Variants in CEP70 observed in about 807,000 individuals in gnomAD.
The protein encoded by CEP70 is centrosomal protein of 70 kDa.
Under a neutral mutation model 90.9 loss-of-function variants are expected in CEP70, and 70 were observed. The observed-to-expected ratio is 0.77, with a 90% CI of 0.64 to 0.94. CEP70 has a LOEUF of 0.94. Among genes scored for constraint, CEP70 ranks in the 40% least tolerant of loss-of-function variants. CEP70 has a pLI of 0.00. For missense variants in CEP70, 648 were observed against 669.0 expected, an observed-to-expected ratio of 0.97 and a Z score of 0.35; for synonymous variants, 220 against 228.3, an observed-to-expected ratio of 0.96 and a Z score of 0.33.
At chr3:138,559,959 G>A (rs762050049) in intron 6 of CEP70, among the ~76,000 whole-genome samples, 9 of 152,176 alleles carry the variant, frequency 5.9e-5, no homozygotes, top group Non-Finnish European at 1.0e-4. Flanking sequence ...AAGTGTTGAT[G>A]AGGACATAAA....
chr3:138,554,935 T>G lies in CEP70; in HGVS notation c.465+15383A>C, dbSNP rs140868502. On this transcript the variant is annotated intron_variant, in intron 6 of 17. Transcript: ENST00000264982. Reference sequence around the variant, plus strand: ...ACGCCACATGTAGAAGAATGAAACTTGATCCTCATCTCTGACCTTATGCAA... The same window carrying G: ...ACGCCACATGTAGAAGAATGAAACTGGATCCTCATCTCTGACCTTATGCAA... Among the ~76,000 whole-genome samples the G allele has an allele frequency of 5.6e-3, 859 of 152,286 alleles. 7 individuals carry two copies. The highest frequency in any genetic ancestry group is 0.02 in the African/African-American group (827 of 41,556).
chr3:138,494,823 T>C lies in CEP70; in HGVS notation c.*192A>G. 1 of 456,744 alleles carries C rather than the reference T, an allele frequency of 2.2e-6. No individual in the cohort carries two copies. The allele number at this position is 456,744 out of a possible 1,614,324, so 28.3% of individuals were successfully genotyped here. A position where few individuals can be genotyped will look rare whatever the true frequency, so the allele number is the denominator to read the frequency against. On this transcript the variant is annotated 3_prime_UTR_variant, in exon 18 of 18. Coordinates refer to ENST00000264982, the MANE Select transcript of CEP70 (RefSeq NM_024491.4). Reference sequence around the variant, plus strand: ...GATCTAAAGTTAATTACCTTACCCTTGCAACTATTTTCTGTATAAGAATCT... The same window carrying C: ...GATCTAAAGTTAATTACCTTACCCTCGCAACTATTTTCTGTATAAGAATCT...
intron 7 of CEP70, among the ~76,000 whole-genome samples, chr3:138,533,928 G>A (rs956675248): frequency 1.3e-5 from 2 of 152,018 alleles, no homozygotes; most frequent in Non-Finnish European, 2.9e-5. Context: ...GGGACTACAG[G>A]CGCCTGCCAC....
At chr3:138,517,172 T>C (rs1367010381) in intron 11 of CEP70, among the ~76,000 whole-genome samples, 1 of 152,250 alleles carries the variant, frequency 6.6e-6, no homozygotes, top group Non-Finnish European at 1.5e-5. Context: ...AAGATAATTT[T>C]CTATTTAAAA....
chr3:138,513,827 C>A (rs571493308), intron 11 of CEP70, among the ~76,000 whole-genome samples: 3 of 152,226 alleles, frequency 2.0e-5, no homozygotes, highest in Admixed American at 2.0e-4. Flanking sequence ...CTTATTTAAT[C>A]ACTTCCTAAG....
intron 16 of CEP70, among the ~76,000 whole-genome samples, chr3:138,498,570 G>A (rs937664381): frequency 4.0e-5 from 6 of 151,442 alleles, no homozygotes; most frequent in African/African-American, 1.2e-4. Flanking sequence ...TCCTGACCTC[G>A]TGATCCGCCC....
chr3:138,550,085 C>G (rs1158815765), intron 6 of CEP70, among the ~76,000 whole-genome samples: 1 of 152,142 alleles, frequency 6.6e-6, no homozygotes, highest in Non-Finnish European at 1.5e-5. Context: ...CCCAGACCTT[C>G]CCACTGACAT....
At chr3:138,553,198 G>A (rs1012927587) in intron 6 of CEP70, among the ~76,000 whole-genome samples, 18 of 151,948 alleles carry the variant, frequency 1.2e-4, no homozygotes, top group Admixed American at 7.9e-4. Context: ...AAAAAATACC[G>A]GCTGGGCACG....
intron 11 of CEP70, among the ~76,000 whole-genome samples, chr3:138,512,001 T>G (rs2035580026): frequency 6.6e-6 from 1 of 152,134 alleles, no homozygotes; most frequent in Non-Finnish European, 1.5e-5. Flanking sequence ...AACTGGAGAA[T>G]AAAAACAATA....
At chr3:138,575,731 C>T (rs1196373881) in intron 2 of CEP70, among the ~76,000 whole-genome samples, 5 of 152,160 alleles carry the variant, frequency 3.3e-5, no homozygotes, top group Non-Finnish European at 5.9e-5. Flanking sequence ...AAGGGAAGCC[C>T]ATCAGACTAA....
At chr3:138,592,103 T>A in intron 1 of CEP70, 147 bp from the exon 2 acceptor site, 3 of 502,064 alleles carry the variant, frequency 6.0e-6, no homozygotes, top group Non-Finnish European at 1.0e-5. Context: ...CTAATGGCCT[T>A]CCCAGCTCAC....
At chr3:138,565,414 G>A (rs2040710742) in intron 6 of CEP70, among the ~76,000 whole-genome samples, 1 of 152,072 alleles carries the variant, frequency 6.6e-6, no homozygotes. Flanking sequence ...AAAGCTGGAG[G>A]CAACACACTA....
At chr3:138,517,373 A>C (rs2108765746) in intron 11 of CEP70, among the ~76,000 whole-genome samples, 1 of 152,310 alleles carries the variant, frequency 6.6e-6, no homozygotes, top group East Asian at 1.9e-4. Context: ...CATGTAATAA[A>C]AATAAATAAA....
rs2042399695 is a variant in CEP70 at position 138,591,859 on chromosome 3, T to C, written c.-11A>G. 8 of 1,528,398 alleles carry C rather than the reference T, an allele frequency of 5.2e-6. No homozygotes were observed. The East Asian group carries it at 1.7e-4, about 33-fold the overall frequency. 94.7% of individuals were successfully genotyped at this position (1,528,398 alleles called of 1,614,324 possible). A position where few individuals can be genotyped will look rare whatever the true frequency, so the allele number is the denominator to read the frequency against. ...ATCCGTTACATTAGACATACCTCAG[T>C]CATAGCATATTACTCTTGCACTTTA... On this transcript the variant is annotated 5_prime_UTR_variant, in exon 2 of 18. The change abolishes the stop of an existing upstream ORF in the 5' untranslated region. Transcript: ENST00000264982.
At chr3:138,537,058 G>C (rs570964244) in intron 7 of CEP70, 120 bp downstream of exon 7, 6 of 567,354 alleles carry the variant, frequency 1.1e-5, no homozygotes, top group Non-Finnish European at 1.7e-5. Flanking sequence ...AGAAGAGGAG[G>C]AGAGAGAGGC....
At position 138,539,448 on chromosome 3, in the gene CEP70, C is replaced by T. The variant is rs543218505; in HGVS notation, c.466-2101G>A. Among the ~76,000 whole-genome samples the T allele has an allele frequency of 2.0e-5, 3 of 152,114 alleles. No individual in the cohort carries two copies. In the South Asian group the frequency reaches 6.2e-4, roughly 32 times the overall value. ...TAACACAGGGAATCAATTCAGAAAT[C>T]TATCAGTGAAATTTTAAAAAGGTAT... On this transcript the variant is annotated intron_variant, in intron 6 of 17. Coordinates refer to ENST00000264982, the MANE Select transcript of CEP70 (RefSeq NM_024491.4).
intron 1 of CEP70, chr3:138,593,825 T>TA (rs1296528649): frequency 1.3e-5 from 2 of 151,856 alleles, no homozygotes; most frequent in African/African-American, 4.8e-5. Flanking sequence ...GGGGATGGAG[T>TA]AATTACCTAC....
intron 17 of CEP70, chr3:138,495,861 A>C: frequency 2.0e-6 from 2 of 984,676 alleles, no homozygotes; most frequent in Non-Finnish European, 2.4e-6. Context: ...CTCAAAAAAA[A>C]CAATTATCTG....
intron 6 of CEP70, among the ~76,000 whole-genome samples, chr3:138,558,592 T>A (rs2040188846): frequency 6.6e-6 from 1 of 152,164 alleles, no homozygotes; most frequent in Admixed American, 6.5e-5. Context: ...GGAATAATGA[T>A]GAACTAGAAA....
Sources: allele counts gnomAD v4.1 joint callset (sites outside exome capture counted in the v4.1 genomes callset), GRCh38; gene constraint gnomAD v4.1.1; transcripts MANE v1.5; gene names NCBI Gene and HGNC (gene_info 2026-07-23, HGNC 2026-07-21).